The following RUNX2 variants were observed in gnomAD, a reference collection of about 807,000 sequenced individuals.
The protein encoded by RUNX2 is runt-related transcription factor 2.
In RUNX2, 10 loss-of-function variants were observed where a neutral mutation model predicts 51.7. The ratio of observed to expected loss-of-function variants is 0.19; its 90% confidence interval spans 0.12 to 0.33. RUNX2 has a LOEUF of 0.33. Among genes scored for constraint, RUNX2 ranks in the 10% least tolerant of loss-of-function variants. The probability of loss-of-function intolerance (pLI) is 1.00; values close to 1 mark genes in which losing one functional copy is unlikely to be tolerated. For missense variants in RUNX2, 562 were observed against 691.3 expected (o/e 0.81, Z 2.10); for synonymous variants, 276 against 273.6 (o/e 1.01, Z -0.09).
At chr6:45,409,524 G>C (rs557659053) in intron 2 of RUNX2, among the ~76,000 whole-genome samples, 124 of 152,218 alleles carry the variant, frequency 8.1e-4, no homozygotes, top group South Asian at 6.4e-3. Context: ...AGATACTTAG[G>C]TACGGAATTG....
intron 5 of RUNX2, among the ~76,000 whole-genome samples, chr6:45,447,643 T>A (rs1799041234): frequency 6.6e-6 from 1 of 152,234 alleles, no homozygotes; most frequent in African/African-American, 2.4e-5. Flanking sequence ...TTTTAGTAGA[T>A]CCTTGTTTTA....
intron 2 of RUNX2, among the ~76,000 whole-genome samples, chr6:45,392,664 T>C (rs1797496387): frequency 6.6e-6 from 1 of 151,678 alleles, no homozygotes; most frequent in African/African-American, 2.4e-5. Flanking sequence ...CATTGTAATG[T>C]TAATTTCTAG....
intron 5 of RUNX2, among the ~76,000 whole-genome samples, chr6:45,441,251 G>T (rs906153001): frequency 6.6e-6 from 1 of 152,098 alleles, no homozygotes; most frequent in African/African-American, 2.4e-5. Flanking sequence ...TTCCTCTAAA[G>T]ATCTGAATAT....
At chr6:45,513,506 A>G (rs1801227235) in intron 7 of RUNX2, 1 of 152,276 alleles carries the variant, frequency 6.6e-6, no homozygotes, top group Admixed American at 6.5e-5. Flanking sequence ...AAGCTCCACC[A>G]GCAGGCTTGC....
At chr6:45,522,923 G>T (rs1367031055) in intron 7 of RUNX2, among the ~76,000 whole-genome samples, 1 of 152,188 alleles carries the variant, frequency 6.6e-6, no homozygotes, top group Non-Finnish European at 1.5e-5. Context: ...TTTCGTAAAT[G>T]CATGTATGGT....
chr6:45,392,351 T>C (rs1275584850), intron 2 of RUNX2, among the ~76,000 whole-genome samples: 4 of 151,926 alleles, frequency 2.6e-5, no homozygotes, highest in East Asian at 3.9e-4. Context: ...TACAAAAAAA[T>C]ATATAAAAAC....
intron 2 of RUNX2, among the ~76,000 whole-genome samples, chr6:45,339,481 G>T (rs1789312934): frequency 1.3e-5 from 2 of 152,058 alleles, no homozygotes. Context: ...TTGTTCACAA[G>T]AAAAAATTAG....
Position 45,550,664 on chromosome 6 carries a change from T to C in RUNX2, c.*3359T>C, listed in dbSNP as rs1450953059. ...ATTTTTTAGATGTGTGTTTACTTCA[T>C]GTTTACAAATAACTGTTTGCTTTTT... On this transcript the variant is annotated 3_prime_UTR_variant, in exon 9 of 9. Coordinates refer to ENST00000647337, the MANE Select transcript of RUNX2 (RefSeq NM_001024630.4). 6.5e-6 allele frequency: 1 copy of C among 152,694 alleles called. No homozygotes were observed. The highest frequency in any genetic ancestry group is 2.4e-5 in the African/African-American group (1 of 41,474). 9.5% of individuals were successfully genotyped at this position (152,694 alleles called of 1,614,324 possible).
In RUNX2 at chr6:45,412,187, CAA is replaced by C. The variant is rs35549153; in HGVS notation, c.59-10388_59-10387del. ...ACATGCCCAGTATCTATAAAAAATA[CAA>C]AAAAAAAAAAAAAAAAATTAGCCGG... On this transcript the variant is annotated intron_variant, in intron 2 of 8. Coordinates refer to ENST00000647337, the MANE Select transcript of RUNX2 (RefSeq NM_001024630.4). Among the ~76,000 whole-genome samples the C allele has an allele frequency of 2.4e-4, 29 of 119,928 alleles. 1 individual carries two copies. Among genetic ancestry groups the C allele is most frequent in the African/African-American group, 8.0e-4 (25 of 31,122 alleles). The allele number at this position is 119,928 out of a possible 152,430, so 78.7% of individuals were successfully genotyped here. A position where few individuals can be genotyped will look rare whatever the true frequency, so the allele number is the denominator to read the frequency against.
At chr6:45,531,503 C>A (rs12202610) in intron 7 of RUNX2, among the ~76,000 whole-genome samples, 2,213 of 152,130 alleles carry the variant, frequency 0.015, 31 homozygotes, top group Non-Finnish European at 0.019. Context: ...ACCTGTAATC[C>A]CAGCACTTTG....
intron 2 of RUNX2, among the ~76,000 whole-genome samples, chr6:45,405,307 T>A (rs1320375688): frequency 1.3e-5 from 2 of 152,236 alleles, no homozygotes; most frequent in Non-Finnish European, 2.9e-5. Flanking sequence ...AGACCATCAC[T>A]ACCATAAGGG....
intron 2 of RUNX2, among the ~76,000 whole-genome samples, chr6:45,351,921 C>T (rs777971991): frequency 5.3e-5 from 8 of 152,140 alleles, no homozygotes; most frequent in Non-Finnish European, 4.4e-5. Context: ...GAGTCACTGA[C>T]AACTTAGGCA....
chr6:45,389,976 A>G (rs1797433692), intron 2 of RUNX2, among the ~76,000 whole-genome samples: 2 of 151,208 alleles, frequency 1.3e-5, no homozygotes, highest in South Asian at 4.2e-4. Flanking sequence ...AGTGCCCTCC[A>G]GCCTGGGCCA....
intron 2 of RUNX2, among the ~76,000 whole-genome samples, chr6:45,409,229 G>A (rs1191073090): frequency 6.6e-6 from 1 of 152,170 alleles, no homozygotes; most frequent in African/African-American, 2.4e-5. Context: ...TCCCTTCCAG[G>A]AACAGAGCAA....
At chr6:45,364,641 C>T (rs1167968626) in intron 2 of RUNX2, among the ~76,000 whole-genome samples, 1 of 152,152 alleles carries the variant, frequency 6.6e-6, no homozygotes, top group East Asian at 1.9e-4. Context: ...TCAAGATGAA[C>T]AGAGCCTTAA....
At chr6:45,402,047 T>A (rs1459228995) in intron 2 of RUNX2, among the ~76,000 whole-genome samples, 2 of 152,256 alleles carry the variant, frequency 1.3e-5, no homozygotes, top group African/African-American at 4.8e-5. Flanking sequence ...GATTAGATAA[T>A]TCAAGGAAAG....
intron 5 of RUNX2, among the ~76,000 whole-genome samples, chr6:45,469,395 A>G (rs979965676): frequency 1.3e-5 from 2 of 152,248 alleles, no homozygotes; most frequent in East Asian, 3.8e-4. Flanking sequence ...TTTTGTTTTT[A>G]TAACATTTAC....
At chr6:45,449,902 C>T (rs930114509) in intron 5 of RUNX2, among the ~76,000 whole-genome samples, 1 of 152,018 alleles carries the variant, frequency 6.6e-6, no homozygotes, top group African/African-American at 2.4e-5. Context: ...AAATTGCACA[C>T]TAGAAAATAA....
chr6:45,452,489 A>G (rs924526222), intron 5 of RUNX2, among the ~76,000 whole-genome samples: 3 of 152,228 alleles, frequency 2.0e-5, no homozygotes, highest in African/African-American at 7.2e-5. Flanking sequence ...TGGAGAAGCC[A>G]AGCATCAGAG....
Sources: gnomAD v4.1 joint callset for allele counts (sites outside exome capture counted in the v4.1 genomes callset) on GRCh38, gnomAD v4.1.1 for gene constraint, MANE v1.5 for transcripts, NCBI Gene and HGNC (gene_info 2026-07-23, HGNC 2026-07-21) for gene names.